The following CLIP2 variants were observed in gnomAD, a reference collection of about 807,000 sequenced individuals.
CLIP2 encodes the protein CAP-Gly domain-containing linker protein 2.
In CLIP2, 41 loss-of-function variants were observed where a neutral mutation model predicts 111.7. The ratio of observed to expected loss-of-function variants is 0.37; its 90% CI spans 0.29 to 0.48. The LOEUF (loss-of-function observed/expected upper bound fraction) is 0.48. Among genes scored for constraint, CLIP2 ranks in the 20% least tolerant of loss-of-function variants. The probability of loss-of-function intolerance (pLI) is 0.99; values close to 1 mark genes in which losing one functional copy is unlikely to be tolerated. For synonymous variants in CLIP2, 660 were observed against 644.2 expected, an observed-to-expected ratio of 1.02 and a Z score of -0.37; for missense variants, 1,160 against 1,422.1, an observed-to-expected ratio of 0.82 and a Z score of 2.96.
intron 11 of CLIP2, among the ~76,000 whole-genome samples, chr7:74,382,329 G>T (rs1554314069): frequency 8.9e-6 from 1 of 112,698 alleles, no homozygotes; most frequent in African/African-American, 3.3e-5. Flanking sequence ...TTTTAAGACA[G>T]AGTCTCACTC....
intron 2 of CLIP2, among the ~76,000 whole-genome samples, chr7:74,336,860 G>GTTTTTTTTTTTTTTGTTTTTTTTTTTTTT (rs1462611237): frequency 7.1e-6 from 1 of 140,622 alleles, no homozygotes; most frequent in Non-Finnish European, 1.5e-5. Flanking sequence ...TGTTTTTTTT[G>GTTTTTTTTTTTTTTGTTTTTTTTTTTTTT]TTTTTTTTTT....
intron 2 of CLIP2, among the ~76,000 whole-genome samples, chr7:74,332,367 C>G (rs1789312722): frequency 6.6e-6 from 1 of 151,392 alleles, no homozygotes; most frequent in Non-Finnish European, 1.5e-5. Context: ...AGCCACTGTG[C>G]CCCGTGTAAT....
intron 1 of CLIP2, among the ~76,000 whole-genome samples, chr7:74,306,161 G>C (rs769336785): frequency 6.6e-6 from 1 of 152,096 alleles, no homozygotes; most frequent in Non-Finnish European, 1.5e-5. Context: ...CCAGGCTCCC[G>C]GTTACGGGTC....
intron 1 of CLIP2, among the ~76,000 whole-genome samples, chr7:74,294,988 CCTGGCTCTGT>C (rs1788129886): frequency 6.6e-6 from 1 of 151,864 alleles, no homozygotes; most frequent in Non-Finnish European, 1.5e-5. Flanking sequence ...TGAGACAGGG[CCTGGCTCTGT>C]CACCCAGGCT....
chr7:74,404,149 G>C lies in CLIP2; in HGVS notation c.*301G>C. 2.3e-6 allele frequency: 1 copy of C among 429,454 alleles called. No individual in the cohort carries two copies. The highest frequency in any genetic ancestry group is 2.4e-5 in the South Asian group (1 of 42,390). 26.6% of individuals were successfully genotyped at this position (429,454 alleles called of 1,614,324 possible). On this transcript the variant is annotated 3_prime_UTR_variant, in exon 17 of 17. Coordinates refer to ENST00000223398, the MANE Select transcript of CLIP2 (RefSeq NM_003388.5). ...TGTCAGTGGAGGCAGAGGGGATCCG[G>C]CCAGGCCCCTCTGTCCAGAAGGAGC... is the stretch of plus-strand genomic sequence containing the variant.
intron 7 of CLIP2, among the ~76,000 whole-genome samples, chr7:74,361,955 G>T (rs1353833825): frequency 6.6e-6 from 1 of 152,080 alleles, no homozygotes; most frequent in Non-Finnish European, 1.5e-5. Context: ...ACAAAAATTA[G>T]CTGGGCATGG....
intron 2 of CLIP2, among the ~76,000 whole-genome samples, chr7:74,335,231 A>G (rs906435146): frequency 3.0e-4 from 43 of 141,940 alleles, no homozygotes; most frequent in African/African-American, 1.1e-3. Flanking sequence ...AGATTGCACA[A>G]GTGTACTCCA....
intron 2 of CLIP2, among the ~76,000 whole-genome samples, chr7:74,331,597 T>C (rs1731492408): frequency 7.5e-6 from 1 of 133,700 alleles, no homozygotes; most frequent in African/African-American, 2.8e-5. Context: ...AGACAGAGTC[T>C]CACTCTGTCT....
chr7:74,321,478 TA>T (rs1368312138), intron 2 of CLIP2, among the ~76,000 whole-genome samples: 2 of 152,112 alleles, frequency 1.3e-5, no homozygotes, highest in East Asian at 1.9e-4. Context: ...TTATTATTAT[TA>T]TTTTTTTTGA....
In CLIP2 at chr7:74,405,330, C is replaced by T. The variant is rs1791742084; in HGVS notation, c.*1482C>T. ...TGTTTTCCTGTGAGGCCTCCCCCAT[C>T]AGTGGACCAGAGGGAGAAGCCCGAT... On this transcript the variant is annotated 3_prime_UTR_variant, in exon 17 of 17. Transcript: ENST00000223398. The T allele has an allele frequency of 6.6e-6, 1 of 152,284 alleles. No individual in the cohort carries two copies. Among genetic ancestry groups the T allele is most frequent in the Non-Finnish European group, 1.5e-5 (1 of 68,134 alleles). 9.4% of individuals were successfully genotyped at this position (152,284 alleles called of 1,614,324 possible). A position where few individuals can be genotyped will look rare whatever the true frequency, so the allele number is the denominator to read the frequency against.
chr7:74,386,678 T>C lies in CLIP2; in HGVS notation c.2563+74T>C, dbSNP rs957725738. The stretch of plus-strand genomic sequence containing the variant: ...GTGCCATTCAGCTGCCAATTAAGCA[T>C]GGAGTGGGTCAGGGCCTGGCTTAGG... On this transcript the variant is annotated intron_variant, in intron 12 of 16. Coordinates refer to ENST00000223398, the MANE Select transcript of CLIP2 (RefSeq NM_003388.5). 2.4e-6 allele frequency: 3 copies of C among 1,240,616 alleles called. No individual in the cohort carries two copies. In the East Asian group the frequency reaches 7.9e-5, roughly 33 times the overall value. The allele number at this position is 1,240,616 out of a possible 1,614,324, so 76.9% of individuals were successfully genotyped here.
At chr7:74,379,299 G>A (rs559386200) in intron 10 of CLIP2, among the ~76,000 whole-genome samples, 77 of 150,270 alleles carry the variant, frequency 5.1e-4, no homozygotes, top group African/African-American at 1.8e-3. Context: ...ACTGCACTCC[G>A]GCCTGGGCAA....
At chr7:74,350,142 C>G (rs556738666) in intron 3 of CLIP2, among the ~76,000 whole-genome samples, 77 of 152,208 alleles carry the variant, frequency 5.1e-4, no homozygotes, top group Non-Finnish European at 9.7e-4. Flanking sequence ...CAACCTCCGC[C>G]TCCTGGGTTC....
chr7:74,320,922 A>G (rs1788932421), intron 2 of CLIP2, among the ~76,000 whole-genome samples: 1 of 150,230 alleles, frequency 6.7e-6, no homozygotes, highest in African/African-American at 2.5e-5. Context: ...GCACCCGCCC[A>G]GCCCAACCCT....
chr7:74,347,375 TCTC>T (rs1554306537), intron 3 of CLIP2, among the ~76,000 whole-genome samples: 1 of 152,108 alleles, frequency 6.6e-6, no homozygotes, highest in Non-Finnish European at 1.5e-5. Context: ...TTCACGCCAT[TCTC>T]CTGCCTCAGC....
intron 10 of CLIP2, among the ~76,000 whole-genome samples, chr7:74,378,824 T>G (rs1790865277): frequency 6.6e-6 from 1 of 152,178 alleles, no homozygotes; most frequent in African/African-American, 2.4e-5. Context: ...GGGGCTTTTT[T>G]TGTCTAAAAG....
chr7:74,307,205 C>T (rs1554727876), intron 1 of CLIP2, among the ~76,000 whole-genome samples: 1 of 152,220 alleles, frequency 6.6e-6, no homozygotes, highest in African/African-American at 2.4e-5. Flanking sequence ...CCTCTCCTGC[C>T]AGCTCTTTGG....
In CLIP2 at chr7:74,349,469, T is replaced by TAC. The variant is rs1789913566; in HGVS notation, c.679-4411_679-4410insAC. On this transcript the variant is annotated intron_variant, in intron 3 of 16. Transcript: ENST00000223398. ...AAAAGTATGTATGTGTGTGTGTGTG[T>TAC]GTATATATATATATATATATATATA... 1.3e-4 allele frequency among the ~76,000 whole-genome samples: 7 copies of TAC among 55,536 alleles called. 1 individual carries two copies. Among genetic ancestry groups the TAC allele is most frequent in the Non-Finnish European group, 1.8e-4 (5 of 28,244 alleles). 36.4% of individuals were successfully genotyped at this position (55,536 alleles called of 152,430 possible).
intron 16 of CLIP2, among the ~76,000 whole-genome samples, chr7:74,402,324 C>A: frequency 2.5e-5 from 3 of 122,244 alleles, no homozygotes; most frequent in African/African-American, 3.1e-5. Flanking sequence ...AGCGAGACTC[C>A]ATCTCAAAAA....
Sources: gnomAD v4.1 joint callset for allele counts (sites outside exome capture counted in the v4.1 genomes callset) on GRCh38, gnomAD v4.1.1 for gene constraint, MANE v1.5 for transcripts, NCBI Gene and HGNC (gene_info 2026-07-23, HGNC 2026-07-21) for gene names.